GABRG2: variants seen among roughly 807,000 people sequenced by gnomAD.
GABRG2 encodes gamma-aminobutyric acid type A receptor subunit gamma2, also known as gamma-aminobutyric acid receptor subunit gamma-2.
In GABRG2, 16 loss-of-function variants were observed where a neutral mutation model predicts 56.4. The ratio of observed to expected loss-of-function variants is 0.28; its 90% confidence interval spans 0.19 to 0.43. The LOEUF (loss-of-function observed/expected upper bound fraction) is 0.43. Ranked by LOEUF, GABRG2 falls within the 20% of genes least tolerant of loss-of-function variation. The probability of loss-of-function intolerance (pLI) is 1.00; values close to 1 mark genes in which losing one functional copy is unlikely to be tolerated. For synonymous variants in GABRG2, 208 were observed against 205.5 expected (o/e 1.01, Z -0.10); for missense variants, 327 against 582.7 (o/e 0.56, Z 4.52).
chr5:162,103,823 G>A, intron 5 of GABRG2, 66 bp from the exon 6 acceptor site: 2 of 1,560,494 alleles, frequency 1.3e-6, no homozygotes, highest in Non-Finnish European at 1.8e-6. Context: ...CATGTTCATA[G>A]AAGATGGTTG....
At chr5:162,084,103 T>C (rs1160931756) in intron 1 of GABRG2, among the ~76,000 whole-genome samples, 1 of 151,760 alleles carries the variant, frequency 6.6e-6, no homozygotes. Context: ...AGAAGGCAGA[T>C]TAGCAAATTG....
intron 1 of GABRG2, among the ~76,000 whole-genome samples, chr5:162,081,499 C>A (rs1270866248): frequency 1.3e-5 from 2 of 151,900 alleles, no homozygotes; most frequent in Non-Finnish European, 2.9e-5. Context: ...CAAACAACAA[C>A]AACAACTACA....
At position 162,093,965 on chromosome 5, in the gene GABRG2, G is replaced by C; in HGVS notation, c.245G>C (p.Arg82Pro). The change falls in exon 2 of 10, where the codon CGG (arginine) becomes CCG (proline). Residue 82 changes from arginine to proline, a missense_variant. Around this residue, in one of 4 missense-constraint regions of GABRG2, gnomAD observed 104 missense variants for 209.3 expected, o/e 0.50. Coordinates refer to ENST00000639213, the MANE Select transcript of GABRG2 (RefSeq NM_198904.4). ...CTGGAAGGATATGACAATAAACTTC[G>C]GCCTGATATAGGAGGTTTGTTAAAG... ...NLLEGYDNKL[R>P]PDIGVKPTLI... 1 of 1,613,158 alleles carries C rather than the reference G, an allele frequency of 6.2e-7. No individual in the cohort carries two copies. The highest frequency in any genetic ancestry group is 8.5e-7 in the Non-Finnish European group (1 of 1,179,446).
chr5:162,131,829 T>C (rs1313966277), intron 6 of GABRG2, among the ~76,000 whole-genome samples: 2 of 151,926 alleles, frequency 1.3e-5, no homozygotes, highest in Non-Finnish European at 2.9e-5. Context: ...TATTGAAAAA[T>C]AATTGGTAAG....
chr5:162,151,551 G>T, intron 8 of GABRG2, 179 bp from the exon 9 acceptor site: 2 of 558,880 alleles, frequency 3.6e-6, no homozygotes, highest in African/African-American at 1.9e-5. Flanking sequence ...TTAACTTTAA[G>T]CAAATACTTT....
At chr5:162,088,999 T>C (rs191172610) in intron 1 of GABRG2, among the ~76,000 whole-genome samples, 231 of 152,182 alleles carry the variant, frequency 1.5e-3, no homozygotes, top group Non-Finnish European at 2.8e-3. Flanking sequence ...AGACAGACAA[T>C]AGAGAAGTCA....
At chr5:162,077,563 A>G (rs1759235946) in intron 1 of GABRG2, among the ~76,000 whole-genome samples, 1 of 152,234 alleles carries the variant, frequency 6.6e-6, no homozygotes, top group Admixed American at 6.5e-5. Context: ...ATTTCAATGT[A>G]TGACAGTTTA....
chr5:162,149,023 A>G lies in GABRG2; in HGVS notation c.923-85A>G, dbSNP rs1294482482. Reference sequence around the variant, plus strand: ...TTGCTGAAACTGCCCATCAGAAGTCATGAAACAATGTAGTCTCACGAGTGA... The same window carrying G: ...TTGCTGAAACTGCCCATCAGAAGTCGTGAAACAATGTAGTCTCACGAGTGA... On this transcript the variant is annotated intron_variant, in intron 7 of 9. Transcript: ENST00000639213. 4 of 1,238,166 alleles carry G rather than the reference A, an allele frequency of 3.2e-6. No homozygotes were observed. The South Asian group carries it at 3.6e-5, about 11-fold the overall frequency. The allele number at this position is 1,238,166 out of a possible 1,614,324, so 76.7% of individuals were successfully genotyped here. A position where few individuals can be genotyped will look rare whatever the true frequency, so the allele number is the denominator to read the frequency against.
intron 6 of GABRG2, among the ~76,000 whole-genome samples, chr5:162,134,072 G>T (rs938944880): frequency 6.6e-6 from 1 of 152,108 alleles, no homozygotes; most frequent in African/African-American, 2.4e-5. Flanking sequence ...TCAACAATTA[G>T]TCAGCTTTCC....
chr5:162,153,921 A>G lies in GABRG2; in HGVS notation c.*553A>G, dbSNP rs1765549127. ...TGTACAATGATGTAAATATTTCAAT[A>G]ACTTAGAATGCTTCAAGTTTAGTGC... On this transcript the variant is annotated 3_prime_UTR_variant, in exon 10 of 10. Transcript: ENST00000639213. 1.2e-5 allele frequency: 2 copies of G among 160,134 alleles called. No individual in the cohort carries two copies. The highest frequency in any genetic ancestry group is 1.8e-4 in the South Asian group (1 of 5,652). 9.9% of individuals were successfully genotyped at this position (160,134 alleles called of 1,614,324 possible).
At chr5:162,135,830 C>T (rs751543589) in intron 6 of GABRG2, among the ~76,000 whole-genome samples, 1 of 151,982 alleles carries the variant, frequency 6.6e-6, no homozygotes, top group Non-Finnish European at 1.5e-5. Context: ...TACAAGAACC[C>T]CAATCAGTGA....
chr5:162,155,235 T>A lies in GABRG2; in HGVS notation c.*1867T>A, dbSNP rs1753781573. On this transcript the variant is annotated 3_prime_UTR_variant, in exon 10 of 10. Coordinates refer to ENST00000639213, the MANE Select transcript of GABRG2 (RefSeq NM_198904.4). ...CTCAAACAAATGTAAATAGAACGAATTATTTTCTTGTTTTGAATTGTCAAT... is the reference window on the plus strand; with the variant it reads ...CTCAAACAAATGTAAATAGAACGAAATATTTTCTTGTTTTGAATTGTCAAT... 1.3e-5 allele frequency: 2 copies of A among 152,478 alleles called. No homozygotes were observed. Among genetic ancestry groups the A allele is most frequent in the South Asian group, 4.2e-4 (2 of 4,818 alleles). 9.4% of individuals were successfully genotyped at this position (152,478 alleles called of 1,614,324 possible). A position where few individuals can be genotyped will look rare whatever the true frequency, so the allele number is the denominator to read the frequency against.
intron 6 of GABRG2, 128 bp from the exon 7 acceptor site, chr5:162,142,036 T>C (rs559141070): frequency 7.3e-6 from 9 of 1,235,460 alleles, no homozygotes; most frequent in South Asian, 6.1e-5. Flanking sequence ...AAAAATAGTT[T>C]TCAACATACC....
chr5:162,101,249 C>T lies in GABRG2; in HGVS notation c.563C>T (p.Ala188Val), dbSNP rs1419184301. 1 of 1,607,190 alleles carries T rather than the reference C, an allele frequency of 6.2e-7. No individual in the cohort carries two copies. The highest frequency in any genetic ancestry group is 8.5e-7 in the Non-Finnish European group (1 of 1,174,112). Residue 188 changes from alanine (A) to valine (V), a missense_variant, in exon 5 of 10, where the codon GCT (alanine) becomes GTT (valine). Around this residue, in one of 4 missense-constraint regions of GABRG2, gnomAD observed 104 missense variants for 209.3 expected, o/e 0.50. Coordinates refer to ENST00000639213, the MANE Select transcript of GABRG2 (RefSeq NM_198904.4). ...TTTCTACTTAGGTTGACAATTGATG[C>T]TGAGTGCCAATTACAATTGCACAAC... ...VLYTLRLTIDAECQLQLHNFP... is the reference protein window; with the variant it reads ...VLYTLRLTIDVECQLQLHNFP...
chr5:162,102,522 GT>G (rs1761502819), intron 5 of GABRG2: 2 of 453,996 alleles, frequency 4.4e-6, no homozygotes, highest in Non-Finnish European at 8.8e-6. Context: ...TGTTGTTGTT[GT>G]TGTTGTTTTG....
intron 1 of GABRG2, among the ~76,000 whole-genome samples, chr5:162,086,892 A>G (rs1464523233): frequency 6.6e-6 from 1 of 151,996 alleles, no homozygotes; most frequent in Non-Finnish European, 1.5e-5. Context: ...AAATAATGCA[A>G]CCGTGTACTT....
At chr5:162,077,713 C>G (rs571895680) in intron 1 of GABRG2, among the ~76,000 whole-genome samples, 1 of 152,184 alleles carries the variant, frequency 6.6e-6, no homozygotes, top group South Asian at 2.1e-4. Flanking sequence ...AGCAGGAATC[C>G]AATAATGGGT....
At chr5:162,121,341 G>T (rs1418525820) in intron 6 of GABRG2, among the ~76,000 whole-genome samples, 1 of 152,054 alleles carries the variant, frequency 6.6e-6, no homozygotes, top group African/African-American at 2.4e-5. Flanking sequence ...GTGCATATTA[G>T]AAAGAATGTT....
intron 6 of GABRG2, among the ~76,000 whole-genome samples, chr5:162,138,652 A>G (rs1465800226): frequency 6.6e-6 from 1 of 152,198 alleles, no homozygotes; most frequent in Non-Finnish European, 1.5e-5. Context: ...AAGTTAACCT[A>G]GTAGAATAAG....
Sources: allele counts gnomAD v4.1 joint callset (sites outside exome capture counted in the v4.1 genomes callset), GRCh38; gene constraint gnomAD v4.1.1; regional missense constraint gnomAD v4.1.1; transcripts MANE v1.5; gene names NCBI Gene and HGNC (gene_info 2026-07-23, HGNC 2026-07-21).